Variants in PTPN1 observed in about 807,000 individuals in gnomAD.
PTPN1 encodes protein tyrosine phosphatase non-receptor type 1.
A neutral mutation model predicts 59.9 loss-of-function variants in PTPN1; 12 were observed. That is an observed-to-expected ratio of 0.20 (90% CI 0.13 to 0.32). PTPN1 has a LOEUF of 0.32. PTPN1 is among the 10% of genes least tolerant of loss of function. The pLI is 1.00. For missense variants in PTPN1, 356 were observed against 549.2 expected (o/e 0.65, Z 3.52); for synonymous variants, 178 against 203.6 (o/e 0.87, Z 1.07).
At chr20:50,543,433 A>T (rs1039957070) in intron 1 of PTPN1, among the ~76,000 whole-genome samples, 1 of 152,240 alleles carries the variant, frequency 6.6e-6, no homozygotes, top group Non-Finnish European at 1.5e-5. Context: ...CTATCTAATT[A>T]TAATAGTTTG....
chr20:50,531,862 C>T (rs999368562), intron 1 of PTPN1, among the ~76,000 whole-genome samples: 2 of 152,314 alleles, frequency 1.3e-5, no homozygotes, highest in East Asian at 1.9e-4. Flanking sequence ...AGTGGTACCA[C>T]GGCTACCACT....
chr20:50,569,491 C>T (rs911328652), intron 4 of PTPN1, among the ~76,000 whole-genome samples: 6 of 151,084 alleles, frequency 4.0e-5, no homozygotes, highest in East Asian at 3.9e-4. Context: ...TCTGGGCAGC[C>T]GGCCTCCTGT....
At chr20:50,561,990 G>T (rs2082754977) in intron 2 of PTPN1, among the ~76,000 whole-genome samples, 1 of 152,178 alleles carries the variant, frequency 6.6e-6, no homozygotes, top group African/African-American at 2.4e-5. Flanking sequence ...GTGCCTGCTG[G>T]CCTGTGGCAG....
Position 50,522,896 on chromosome 20 carries a change from G to A in PTPN1, c.63+12306G>A, listed in dbSNP as rs912103833. The stretch of plus-strand genomic sequence containing the variant: ...AGCCTCCCGAGTAGCTGGGATTACA[G>A]GTGCCTGCCACGATGCCCGGCTAAT... On this transcript the variant is annotated intron_variant, in intron 1 of 9. Coordinates refer to ENST00000371621, the MANE Select transcript of PTPN1 (RefSeq NM_002827.4). 3.9e-5 allele frequency among the ~76,000 whole-genome samples: 6 copies of A among 151,936 alleles called. No homozygotes were observed. In the East Asian group the frequency reaches 9.7e-4, roughly 24 times the overall value.
chr20:50,540,301 C>T (rs768372718), intron 1 of PTPN1, among the ~76,000 whole-genome samples: 6 of 152,080 alleles, frequency 3.9e-5, no homozygotes, highest in Non-Finnish European at 8.8e-5. Context: ...GTGATCTGCC[C>T]GCCTCAGCCT....
intron 1 of PTPN1, among the ~76,000 whole-genome samples, chr20:50,523,452 T>C (rs1158243999): frequency 3.9e-5 from 6 of 152,250 alleles, no homozygotes; most frequent in Admixed American, 6.5e-5. Flanking sequence ...CTTTTTTGTG[T>C]ATGTGAAATT....
At chr20:50,539,884 CTTT>C (rs199687816) in intron 1 of PTPN1, among the ~76,000 whole-genome samples, 1 of 147,694 alleles carries the variant, frequency 6.8e-6, no homozygotes, top group Admixed American at 6.8e-5. Flanking sequence ...AGTTTTAAAT[CTTT>C]TTTTTTTAAT....
chr20:50,528,992 G>A (rs1293033088), intron 1 of PTPN1, among the ~76,000 whole-genome samples: 2 of 152,076 alleles, frequency 1.3e-5, no homozygotes, highest in East Asian at 1.9e-4. Flanking sequence ...ATTTCTCAGC[G>A]AGAACTGTGT....
rs538194142 is a variant in PTPN1 at position 50,582,356 on chromosome 20, G to A, written c.1285-336G>A. ...GTGCCATTTCAGCAGAAATTCACACGTTAGACGTGTGTTGCTGTTAAGTAA... is the reference window on the plus strand; with the variant it reads ...GTGCCATTTCAGCAGAAATTCACACATTAGACGTGTGTTGCTGTTAAGTAA... On this transcript the variant is annotated intron_variant, in intron 9 of 9. Transcript: ENST00000371621. This position sits in a 1 kb window ranked among gnomAD's most constrained non-coding sequence, Gnocchi z 4.2. Among the ~76,000 whole-genome samples, 2 of 152,238 alleles carry A rather than the reference G, an allele frequency of 1.3e-5. No individual in the cohort carries two copies. Among genetic ancestry groups the A allele is most frequent in the South Asian group, 2.1e-4 (1 of 4,836 alleles).
chr20:50,535,994 T>G (rs2122742656), intron 1 of PTPN1, among the ~76,000 whole-genome samples: 1 of 152,346 alleles, frequency 6.6e-6, no homozygotes, highest in Non-Finnish European at 1.5e-5. Flanking sequence ...GGTTAAAATC[T>G]AGGCATTAAA....
chr20:50,540,325 G>T (rs139195989), intron 1 of PTPN1, among the ~76,000 whole-genome samples: 3,801 of 152,296 alleles, frequency 0.025, 151 homozygotes, highest in African/African-American at 0.083. Context: ...AAAGTGCTGG[G>T]ATTACAGGCG....
chr20:50,513,015 T>G (rs566499054), intron 1 of PTPN1, among the ~76,000 whole-genome samples: 1 of 152,346 alleles, frequency 6.6e-6, no homozygotes, highest in South Asian at 2.1e-4. Context: ...TATTCTAACT[T>G]ATTTTCTGAT....
chr20:50,542,530 T>C (rs1386505114), intron 1 of PTPN1, among the ~76,000 whole-genome samples: 3 of 152,208 alleles, frequency 2.0e-5, no homozygotes, highest in African/African-American at 2.4e-5. Flanking sequence ...TTCATGAGCT[T>C]TGGAGGAAGA....
At chr20:50,579,988 C>A in intron 8 of PTPN1, 62 bp downstream of exon 8, 1 of 1,450,410 alleles carries the variant, frequency 6.9e-7, no homozygotes, top group Non-Finnish European at 9.6e-7. Context: ...TCTAGAAACA[C>A]ACGCTGGTAC....
At chr20:50,535,050 T>C (rs1260001020) in intron 1 of PTPN1, among the ~76,000 whole-genome samples, 1 of 152,162 alleles carries the variant, frequency 6.6e-6, no homozygotes, top group African/African-American at 2.4e-5. Flanking sequence ...TTGGGATGTA[T>C]GTCTGAAACT....
chr20:50,510,457 C>T lies in PTPN1; in HGVS notation c.-71C>T, dbSNP rs1300368606. ...TTGCAGCGGGCCTCGGGGCTAAGAG[C>T]GCGACGCGGCCTAGAGCGGCAGACG... On this transcript the variant is annotated 5_prime_UTR_variant, in exon 1 of 10. Coordinates refer to ENST00000371621, the MANE Select transcript of PTPN1 (RefSeq NM_002827.4). 9.3e-6 allele frequency: 14 copies of T among 1,509,916 alleles called. No homozygotes were observed. The highest frequency in any genetic ancestry group is 1.2e-5 in the Non-Finnish European group (13 of 1,117,588). The allele number at this position is 1,509,916 out of a possible 1,614,324, so 93.5% of individuals were successfully genotyped here.
At chr20:50,520,114 G>A (rs924309634) in intron 1 of PTPN1, among the ~76,000 whole-genome samples, 5 of 152,212 alleles carry the variant, frequency 3.3e-5, no homozygotes, top group Admixed American at 6.5e-5. Flanking sequence ...GCTCACGCCT[G>A]TAATCCCAGC....
chr20:50,551,581 T>C (rs2082702360), intron 1 of PTPN1, among the ~76,000 whole-genome samples: 1 of 152,204 alleles, frequency 6.6e-6, no homozygotes, highest in Non-Finnish European at 1.5e-5. Flanking sequence ...ATTTGACATC[T>C]ATGATGTGTG....
At chr20:50,580,297 C>T (rs948985014) in intron 8 of PTPN1, among the ~76,000 whole-genome samples, 1 of 152,192 alleles carries the variant, frequency 6.6e-6, no homozygotes, top group Non-Finnish European at 1.5e-5. Context: ...CCCTCAGTCC[C>T]CACAGTGGTC....
Sources: gnomAD v4.1 joint callset for allele counts (sites outside exome capture counted in the v4.1 genomes callset) on GRCh38, gnomAD v4.1.1 for gene constraint, Gnocchi (gnomAD v3.1) non-coding constraint, MANE v1.5 for transcripts, NCBI Gene and HGNC (gene_info 2026-07-23, HGNC 2026-07-21) for gene names.